XPO5: variants seen among roughly 807,000 people sequenced by gnomAD.
XPO5 encodes exportin 5.
A neutral mutation model predicts 160.6 loss-of-function variants in XPO5; 46 were observed. The observed-to-expected ratio is 0.29, with a 90% confidence interval of 0.23 to 0.37. The LOEUF is 0.37. Ranked by LOEUF, XPO5 falls within the 10% of genes least tolerant of loss-of-function variation. XPO5 has a pLI of 1.00. For missense variants in XPO5, 1,090 were observed against 1,463.9 expected (o/e 0.74, Z 4.17); for synonymous variants, 537 against 519.3 (o/e 1.03, Z -0.46).
At chr6:43,531,002 G>A (rs1190144376) in intron 22 of XPO5, among the ~76,000 whole-genome samples, 178 bp from the exon 23 acceptor site, 3 of 152,196 alleles carry the variant, frequency 2.0e-5, no homozygotes, top group Non-Finnish European at 2.9e-5. Flanking sequence ...GTTGGTGGCC[G>A]AGATCAGCAG....
intron 21 of XPO5, chr6:43,533,573 A>C (rs539501868): frequency 5.3e-6 from 1 of 189,098 alleles, no homozygotes; most frequent in African/African-American, 2.3e-5. Flanking sequence ...GAACGCCTGT[A>C]ATCACTAGGA....
intron 26 of XPO5, 83 bp from the exon 27 acceptor site, chr6:43,526,830 T>C: frequency 7.0e-7 from 1 of 1,431,160 alleles, no homozygotes; most frequent in African/African-American, 1.4e-5. Flanking sequence ...GATCCCAACC[T>C]GTCTCTGGCC....
chr6:43,554,652 G>A (rs889374730), intron 13 of XPO5, among the ~76,000 whole-genome samples: 1 of 151,816 alleles, frequency 6.6e-6, no homozygotes, highest in African/African-American at 2.4e-5. Flanking sequence ...TTGAACTCCT[G>A]ACCTCAGGTG....
chr6:43,537,974 A>G (rs1794445628), intron 20 of XPO5, among the ~76,000 whole-genome samples: 1 of 149,350 alleles, frequency 6.7e-6, no homozygotes, highest in Admixed American at 6.7e-5. Context: ...AGGCTGAGGC[A>G]GTCGAGAGGC....
At chr6:43,562,218 A>G (rs921639117) in intron 9 of XPO5, 29 bp downstream of exon 9, 1 of 1,567,684 alleles carries the variant, frequency 6.4e-7, no homozygotes, top group Admixed American at 1.8e-5. Flanking sequence ...ATGGGCTTGA[A>G]GCTCTCCAGA....
intron 24 of XPO5, among the ~76,000 whole-genome samples, chr6:43,528,473 A>G (rs937377659): frequency 2.0e-5 from 3 of 152,176 alleles, no homozygotes; most frequent in Admixed American, 2.0e-4. Context: ...GTCTCTAGAC[A>G]TACCTGTTCT....
In XPO5 at chr6:43,528,316, C is replaced by T. The variant is rs940507003; in HGVS notation, c.2776-111G>A. ...AAAATTAGCCAAGGATGATTCTAGG[C>T]ATCAATGACAACTTCTGTAGACTCC... is the stretch of plus-strand genomic sequence containing the variant. On this transcript the variant is annotated intron_variant, in intron 24 of 31. Transcript: ENST00000265351. 5 of 1,108,372 alleles carry T rather than the reference C, an allele frequency of 4.5e-6. No individual in the cohort carries two copies. In the East Asian group the frequency reaches 1.0e-4, roughly 23 times the overall value. The allele number at this position is 1,108,372 out of a possible 1,614,324, so 68.7% of individuals were successfully genotyped here. A position where few individuals can be genotyped will look rare whatever the true frequency, so the allele number is the denominator to read the frequency against.
chr6:43,549,458 T>G, intron 17 of XPO5, 31 bp downstream of exon 17: 3 of 1,571,052 alleles, frequency 1.9e-6, no homozygotes, highest in Non-Finnish European at 2.6e-6. Context: ...TAACCAAACT[T>G]GGCTACTTCA....
intron 5 of XPO5, 106 bp downstream of exon 5, chr6:43,570,396 T>C (rs1582248288): frequency 2.2e-6 from 2 of 909,382 alleles, no homozygotes; most frequent in East Asian, 3.0e-5. Flanking sequence ...GCTTATAAAA[T>C]AGGATTTCAT....
At position 43,533,945 on chromosome 6, in the gene XPO5, G is replaced by A. The variant is rs1177940735; in HGVS notation, c.2405C>T (p.Ala802Val). 5.0e-6 allele frequency: 8 copies of A among 1,607,568 alleles called. No individual in the cohort carries two copies. The highest frequency in any genetic ancestry group is 6.8e-6 in the Non-Finnish European group (8 of 1,176,030). ...TTTTTCCGCGTCAAGCATATCCAGAGCCTTGGTGAAAGGCTCTGCCATTTT... is the reference window on the plus strand; with the variant it reads ...TTTTTCCGCGTCAAGCATATCCAGAACCTTGGTGAAAGGCTCTGCCATTTT... ...LAKMAEPFTK[A>V]LDMLDAEKSA... Residue 802 changes from alanine (A) to valine (V), a missense_variant, in exon 21 of 32, where the codon GCT (alanine) becomes GTT (valine). By Grantham distance (64) the Ala-to-Val change is moderately conservative. Transcript: ENST00000265351.
chr6:43,559,303 A>C (rs1762279117), intron 11 of XPO5, among the ~76,000 whole-genome samples: 1 of 152,206 alleles, frequency 6.6e-6, no homozygotes, highest in African/African-American at 2.4e-5. Context: ...TCTCAAAAAA[A>C]AACACAGAAC....
At chr6:43,547,135 C>G (rs1404171490) in intron 19 of XPO5, among the ~76,000 whole-genome samples, 1 of 152,128 alleles carries the variant, frequency 6.6e-6, no homozygotes, top group African/African-American at 2.4e-5. Flanking sequence ...GTGTCCTAAT[C>G]CCCCCTCACG....
At chr6:43,538,996 G>C in intron 20 of XPO5, 2 of 1,510,882 alleles carry the variant, frequency 1.3e-6, no homozygotes, top group Non-Finnish European at 1.8e-6. Flanking sequence ...TGGCCTTGGC[G>C]AAGTTGCCCA....
intron 6 of XPO5, among the ~76,000 whole-genome samples, chr6:43,567,820 C>A (rs551759243): frequency 6.6e-6 from 1 of 151,944 alleles, no homozygotes; most frequent in Admixed American, 6.6e-5. Context: ...CATCTATAGT[C>A]CCAGCTACTC....
chr6:43,537,568 G>C (rs1794415790), intron 20 of XPO5, among the ~76,000 whole-genome samples: 1 of 152,210 alleles, frequency 6.6e-6, no homozygotes, highest in Non-Finnish European at 1.5e-5. Context: ...TCCAACGGAA[G>C]TTTACTTACA....
rs1156884252 is a variant in XPO5, at chr6:43,536,758, T to TAAAAAAAAAAAAA, written c.2343-2764_2343-2752dup. ...CTGGACGACAGAGTGAGACTCTATCTAAAAAAAAAAAAAAAAAAAAAAAAA... is the reference window on the plus strand; with the variant it reads ...CTGGACGACAGAGTGAGACTCTATCTAAAAAAAAAAAAAAAAAAAAAAAAAAAAAAAAAAAAAA... On this transcript the variant is annotated intron_variant, in intron 20 of 31. Transcript: ENST00000265351. 4.2e-4 allele frequency among the ~76,000 whole-genome samples: 8 copies of TAAAAAAAAAAAAA among 19,100 alleles called. 1 individual carries two copies. Among genetic ancestry groups the TAAAAAAAAAAAAA allele is most frequent in the African/African-American group, 2.0e-3 (8 of 4,094 alleles). The allele number at this position is 19,100 out of a possible 152,430, so 12.5% of individuals were successfully genotyped here. A position where few individuals can be genotyped will look rare whatever the true frequency, so the allele number is the denominator to read the frequency against.
At chr6:43,542,496 G>A (rs190444588) in intron 20 of XPO5, among the ~76,000 whole-genome samples, 9 of 151,878 alleles carry the variant, frequency 5.9e-5, no homozygotes, top group East Asian at 1.9e-4. Flanking sequence ...TGCAACCTCC[G>A]CCTCCCAAGT....
chr6:43,552,449 T>C (rs1037236112), intron 14 of XPO5, among the ~76,000 whole-genome samples: 10 of 151,942 alleles, frequency 6.6e-5, no homozygotes, highest in African/African-American at 2.4e-4. Context: ...GCCTCCTGGG[T>C]TCAAGCGATT....
chr6:43,558,976 A>T (rs1762258326), intron 11 of XPO5: 1 of 162,054 alleles, frequency 6.2e-6, no homozygotes. Flanking sequence ...TCATTCAGAA[A>T]AGAATTGAAG....
Sources: gnomAD v4.1 joint callset for allele counts (sites outside exome capture counted in the v4.1 genomes callset) on GRCh38, gnomAD v4.1.1 for gene constraint, MANE v1.5 for transcripts, NCBI Gene and HGNC (gene_info 2026-07-23, HGNC 2026-07-21) for gene names.